MAP2K6: variants seen among roughly 807,000 people sequenced by gnomAD.
MAP2K6 encodes mitogen-activated protein kinase kinase 6, also known as dual specificity mitogen-activated protein kinase kinase 6.
In MAP2K6, 16 loss-of-function variants were observed where a neutral mutation model predicts 53.7. The ratio of observed to expected loss-of-function variants is 0.30; its 90% CI spans 0.20 to 0.45. MAP2K6 has a LOEUF of 0.45. MAP2K6 is among the 20% of genes least tolerant of loss of function. The pLI is 1.00. For synonymous variants in MAP2K6, 132 were observed against 143.1 expected, an observed-to-expected ratio of 0.92 and a Z score of 0.55; for missense variants, 204 against 411.9, an observed-to-expected ratio of 0.50 and a Z score of 4.37.
In MAP2K6 at chr17:69,553,500, T is replaced by A. The variant is rs1912177419; in HGVS notation, c.*11747T>A. On this transcript the variant is annotated 3_prime_UTR_variant, in exon 12 of 12. Coordinates refer to ENST00000590474, the MANE Select transcript of MAP2K6 (RefSeq NM_002758.4). ...GACCTCCTCTTTTAATGAGGAACTT[T>A]CACGTTGACTTCCTATCTCAGGATA... The A allele has an allele frequency of 6.6e-6, 1 of 152,216 alleles. No homozygotes were observed. Among genetic ancestry groups the A allele is most frequent in the South Asian group, 2.1e-4 (1 of 4,826 alleles). 9.4% of individuals were successfully genotyped at this position (152,216 alleles called of 1,614,324 possible). A position where few individuals can be genotyped will look rare whatever the true frequency, so the allele number is the denominator to read the frequency against.
chr17:69,419,040 T>C (rs978209610), intron 1 of MAP2K6, among the ~76,000 whole-genome samples: 1 of 152,230 alleles, frequency 6.6e-6, no homozygotes, highest in African/African-American at 2.4e-5. Flanking sequence ...ACACTATATA[T>C]TGTATTTTGT....
intron 1 of MAP2K6, among the ~76,000 whole-genome samples, chr17:69,425,444 C>T (rs1256659496): frequency 6.6e-6 from 1 of 151,996 alleles, no homozygotes; most frequent in African/African-American, 2.4e-5. Flanking sequence ...TCCCAAGTAG[C>T]TGGGATTACA....
rs1292424547 is a variant in MAP2K6, at chr17:69,485,395, C to G, written c.17-20385C>G. 4.0e-6 allele frequency: 3 copies of G among 742,238 alleles called. No individual in the cohort carries two copies. In the East Asian group the frequency reaches 3.9e-4, roughly 96 times the overall value. 46.0% of individuals were successfully genotyped at this position (742,238 alleles called of 1,614,324 possible). ...TTTTAGATCATGCCTGCAATTCAGC[C>G]TTGCAGAGTTGTTTGCCTGTTTGAA... On this transcript the variant is annotated intron_variant, in intron 1 of 11. Transcript: ENST00000590474.
chr17:69,428,000 TG>T (rs1291258359), intron 1 of MAP2K6, among the ~76,000 whole-genome samples: 1 of 152,238 alleles, frequency 6.6e-6, no homozygotes, highest in East Asian at 1.9e-4. Context: ...GAGCAAGACA[TG>T]GCAGGTAGAG....
chr17:69,541,553 A>G (rs1019157510), intron 11 of MAP2K6, 123 bp from the exon 12 acceptor site: 9 of 604,968 alleles, frequency 1.5e-5, no homozygotes, highest in Non-Finnish European at 2.5e-5. Flanking sequence ...GGGTAGGAAA[A>G]GCCCAGCCTA....
rs184979752 is a variant in MAP2K6, at chr17:69,550,737, C to T, written c.*8984C>T. On this transcript the variant is annotated 3_prime_UTR_variant, in exon 12 of 12. Coordinates refer to ENST00000590474, the MANE Select transcript of MAP2K6 (RefSeq NM_002758.4). ...TGTGATGAAGGTGAACTCTGCCTAT[C>T]TGAACCTCTGTCAACCTCCAGTCAG... 12 of 152,220 alleles carry T rather than the reference C, an allele frequency of 7.9e-5. No individual in the cohort carries two copies. Among genetic ancestry groups the T allele is most frequent in the Admixed American group, 7.2e-4 (11 of 15,286 alleles). 9.4% of individuals were successfully genotyped at this position (152,220 alleles called of 1,614,324 possible). A position where few individuals can be genotyped will look rare whatever the true frequency, so the allele number is the denominator to read the frequency against.
At chr17:69,530,866 G>C (rs772726938) in intron 10 of MAP2K6, among the ~76,000 whole-genome samples, 4 of 152,090 alleles carry the variant, frequency 2.6e-5, no homozygotes, top group Non-Finnish European at 5.9e-5. Flanking sequence ...TTACTTGTTT[G>C]ATTACTGAAA....
At chr17:69,539,389 T>C (rs1911503735) in intron 11 of MAP2K6, among the ~76,000 whole-genome samples, 1 of 152,198 alleles carries the variant, frequency 6.6e-6, no homozygotes, top group South Asian at 2.1e-4. Flanking sequence ...TCATAGTCCC[T>C]CATTTGTCAA....
chr17:69,479,910 T>C (rs1262412915), intron 1 of MAP2K6, among the ~76,000 whole-genome samples: 2 of 151,998 alleles, frequency 1.3e-5, no homozygotes, highest in Non-Finnish European at 2.9e-5. Flanking sequence ...TTTTTGTATC[T>C]TTAGTACTAG....
intron 10 of MAP2K6, among the ~76,000 whole-genome samples, chr17:69,535,518 G>A (rs1296767845): frequency 6.6e-6 from 1 of 152,166 alleles, no homozygotes; most frequent in Non-Finnish European, 1.5e-5. Flanking sequence ...CTGAGCCTAG[G>A]GAGGTGGAGG....
intron 3 of MAP2K6, 35 bp from the exon 4 acceptor site, chr17:69,517,465 C>A (rs979644667): frequency 1.3e-5 from 16 of 1,227,936 alleles, no homozygotes; most frequent in Non-Finnish European, 1.9e-5. Context: ...TTATTTTTCT[C>A]TTTCCCATTG....
intron 1 of MAP2K6, among the ~76,000 whole-genome samples, chr17:69,465,668 G>A (rs1173566652): frequency 6.7e-6 from 1 of 149,570 alleles, no homozygotes; most frequent in Non-Finnish European, 1.5e-5. Flanking sequence ...TGTCCAGGCT[G>A]GAATACAATG....
At chr17:69,433,375 T>C (rs1906531388) in intron 1 of MAP2K6, 1 of 152,242 alleles carries the variant, frequency 6.6e-6, no homozygotes, top group South Asian at 2.1e-4. Context: ...ACTTTGACTC[T>C]CTGGGGAGCC....
At chr17:69,431,415 C>T (rs1166441592) in intron 1 of MAP2K6, among the ~76,000 whole-genome samples, 2 of 151,864 alleles carry the variant, frequency 1.3e-5, no homozygotes, top group Non-Finnish European at 2.9e-5. Flanking sequence ...CAAATACTCA[C>T]TTGATGTAAT....
intron 1 of MAP2K6, among the ~76,000 whole-genome samples, chr17:69,423,364 A>G (rs1598254122): frequency 1.3e-5 from 2 of 152,350 alleles, no homozygotes; most frequent in East Asian, 1.9e-4. Context: ...TATGTTTTCC[A>G]TGGCTGCTCT....
chr17:69,514,099 A>T (rs566598820), intron 2 of MAP2K6, among the ~76,000 whole-genome samples: 1 of 135,184 alleles, frequency 7.4e-6, no homozygotes, highest in Admixed American at 7.5e-5. Flanking sequence ...ACAGGGTGAG[A>T]CTCTGTCTTA....
In MAP2K6 at chr17:69,551,572, T is replaced by C. The variant is rs1160724470; in HGVS notation, c.*9819T>C. On this transcript the variant is annotated 3_prime_UTR_variant, in exon 12 of 12. Transcript: ENST00000590474. Reference sequence around the variant, plus strand: ...AAAATTTACATTGGGCAGCAGTTTATAGTGTTCTTGGCCAATCTGCATAAA... The same window carrying C: ...AAAATTTACATTGGGCAGCAGTTTACAGTGTTCTTGGCCAATCTGCATAAA... 6.6e-6 allele frequency: 1 copy of C among 152,246 alleles called. No homozygotes were observed. The highest frequency in any genetic ancestry group is 2.4e-5 in the African/African-American group (1 of 41,468). The allele number at this position is 152,246 out of a possible 1,614,324, so 9.4% of individuals were successfully genotyped here.
intron 1 of MAP2K6, among the ~76,000 whole-genome samples, chr17:69,462,252 A>T (rs866380238): frequency 6.6e-6 from 1 of 152,116 alleles, no homozygotes; most frequent in South Asian, 2.1e-4. Flanking sequence ...CACCTCCTCT[A>T]TCCAGGGGAT....
chr17:69,501,937 T>A (rs1385457113), intron 1 of MAP2K6, among the ~76,000 whole-genome samples: 2 of 151,400 alleles, frequency 1.3e-5, no homozygotes, highest in Non-Finnish European at 1.5e-5. Flanking sequence ...TTTTTTTTTT[T>A]AACAGTGTTC....
Sources: allele counts gnomAD v4.1 joint callset (sites outside exome capture counted in the v4.1 genomes callset), GRCh38; gene constraint gnomAD v4.1.1; transcripts MANE v1.5; gene names NCBI Gene and HGNC (gene_info 2026-07-23, HGNC 2026-07-21).